The following LMX1B variants were observed in gnomAD, a reference collection of about 807,000 sequenced individuals.
The protein encoded by LMX1B is LIM homeobox transcription factor 1-beta.
Under a neutral mutation model 51.4 loss-of-function variants are expected in LMX1B, and 12 were observed. The observed-to-expected ratio is 0.23, with a 90% CI of 0.15 to 0.38. LMX1B has a LOEUF of 0.38. LMX1B is among the 10% of genes least tolerant of loss of function. LMX1B has a pLI of 1.00. For missense variants in LMX1B, 445 were observed against 571.1 expected (o/e 0.78, Z 2.25); for synonymous variants, 237 against 235.4 (o/e 1.01, Z -0.06).
At position 126,667,777 on chromosome 9, in the gene LMX1B, G is replaced by A. The variant is rs1324205940; in HGVS notation, c.327-23059G>A. On this transcript the variant is annotated intron_variant, in intron 2 of 7. Transcript: ENST00000373474. ...CCTTCAGAGAGTTTCCAGAAGAAAGGGATGGCCAAAGGTGGCCAGTGGCAG... is the reference window on the plus strand; with the variant it reads ...CCTTCAGAGAGTTTCCAGAAGAAAGAGATGGCCAAAGGTGGCCAGTGGCAG... 4.6e-5 allele frequency among the ~76,000 whole-genome samples: 7 copies of A among 152,212 alleles called. No homozygotes were observed. The South Asian group carries it at 1.4e-3, about 32-fold the overall frequency.
intron 2 of LMX1B, among the ~76,000 whole-genome samples, chr9:126,628,557 A>C (rs1835575228): frequency 6.6e-6 from 1 of 152,124 alleles, no homozygotes. Flanking sequence ...GAGCGATGGA[A>C]TCTCTACGCT....
chr9:126,696,283 C>T lies in LMX1B; in HGVS notation c.1052-11C>T. The T allele has an allele frequency of 6.2e-7, 1 of 1,613,922 alleles. No individual in the cohort carries two copies. Among genetic ancestry groups the T allele is most frequent in the Non-Finnish European group, 8.5e-7 (1 of 1,179,822 alleles). The stretch of plus-strand genomic sequence containing the variant: ...CTGTACCCCGGTCCTGACACCCCTT[C>T]TGCCCCCCAGGGAACGACTCCATCT... On this transcript the variant is annotated splice_polypyrimidine_tract_variant and intron_variant, in intron 7 of 7. Transcript: ENST00000373474.
intron 2 of LMX1B, among the ~76,000 whole-genome samples, chr9:126,666,156 G>A (rs575553880): frequency 1.3e-5 from 2 of 152,366 alleles, no homozygotes; most frequent in South Asian, 2.1e-4. Flanking sequence ...AGGCACAGAC[G>A]GGTCTGAACG....
intron 2 of LMX1B, among the ~76,000 whole-genome samples, chr9:126,653,289 G>C (rs1026201146): frequency 6.6e-6 from 1 of 151,466 alleles, no homozygotes; most frequent in Non-Finnish European, 1.5e-5. Flanking sequence ...CGATGAGCTG[G>C]GACTACAGGT....
In LMX1B at chr9:126,671,462, G is replaced by C. The variant is rs911377417; in HGVS notation, c.327-19374G>C. On this transcript the variant is annotated intron_variant, in intron 2 of 7. Coordinates refer to ENST00000373474, the MANE Select transcript of LMX1B (RefSeq NM_001174147.2). The surrounding 1 kb of genome is among the most constrained non-coding windows in gnomAD (Gnocchi z 4.4). Reference sequence around the variant, plus strand: ...CCATCTTTGTTCCGAGCAGAGCTCAGACTGCAGAGTGGCTGGGTAAATAGT... The same window carrying C: ...CCATCTTTGTTCCGAGCAGAGCTCACACTGCAGAGTGGCTGGGTAAATAGT... 6.6e-6 allele frequency among the ~76,000 whole-genome samples: 1 copy of C among 152,062 alleles called. No individual in the cohort carries two copies. Among genetic ancestry groups the C allele is most frequent in the Non-Finnish European group, 1.5e-5 (1 of 68,010 alleles).
chr9:126,682,998 C>G (rs1310021977), intron 2 of LMX1B, among the ~76,000 whole-genome samples: 1 of 151,642 alleles, frequency 6.6e-6, no homozygotes, highest in East Asian at 1.9e-4. Context: ...TCCCCGGGCT[C>G]CCGGCTGTGC....
rs536512995 is a variant in LMX1B at position 126,631,317 on chromosome 9, G to A, written c.326+15748G>A. Among the ~76,000 whole-genome samples the A allele has an allele frequency of 2.0e-5, 3 of 152,358 alleles. No homozygotes were observed. The South Asian group carries it at 6.2e-4, about 32-fold the overall frequency. ...ATAGTAATAATAATGATTTGTAAAA[G>A]GAAACATCTTGCCTTGGGGCACAGG... On this transcript the variant is annotated intron_variant, in intron 2 of 7. Transcript: ENST00000373474.
chr9:126,680,033 A>G (rs1014196615), intron 2 of LMX1B, among the ~76,000 whole-genome samples: 2 of 152,206 alleles, frequency 1.3e-5, no homozygotes, highest in African/African-American at 4.8e-5. Context: ...TATTCTGGCC[A>G]TGCAGGGCCC....
At chr9:126,696,074 G>A (rs1416892796) in intron 7 of LMX1B, 71 bp downstream of exon 7, 11 of 1,359,842 alleles carry the variant, frequency 8.1e-6, no homozygotes, top group African/African-American at 3.0e-5. Context: ...GCAGGCCTGG[G>A]GCCAGGACAG....
At chr9:126,632,468 C>G (rs746704833) in intron 2 of LMX1B, among the ~76,000 whole-genome samples, 10 of 152,092 alleles carry the variant, frequency 6.6e-5, no homozygotes, top group Non-Finnish European at 1.5e-4. Context: ...AGGGCAGGAG[C>G]CTGTGGCTGT....
chr9:126,680,186 C>T (rs1412364638), intron 2 of LMX1B, among the ~76,000 whole-genome samples: 3 of 152,224 alleles, frequency 2.0e-5, no homozygotes, highest in South Asian at 2.1e-4. Context: ...CCAGCAGCTC[C>T]GTGCTGATGA....
In LMX1B at chr9:126,614,372, C is replaced by T; in HGVS notation, c.-78C>T. On this transcript the variant is annotated 5_prime_UTR_variant, in exon 1 of 8. Transcript: ENST00000373474. ...GGCCGCGCCTCCCCGGTTCCAGGGC[C>T]GCGGCGGCGGAGAGCGGGTGGACGG... 2 of 1,120,262 alleles carry T rather than the reference C, an allele frequency of 1.8e-6. No homozygotes were observed. The allele number at this position is 1,120,262 out of a possible 1,614,324, so 69.4% of individuals were successfully genotyped here. A position where few individuals can be genotyped will look rare whatever the true frequency, so the allele number is the denominator to read the frequency against.
At chr9:126,637,821 C>CG in intron 2 of LMX1B, among the ~76,000 whole-genome samples, 1 of 94,254 alleles carries the variant, frequency 1.1e-5, no homozygotes, top group African/African-American at 4.7e-5. Context: ...GGTGCCTGTC[C>CG]TCCCCCCCCC....
intron 6 of LMX1B, among the ~76,000 whole-genome samples, chr9:126,694,393 C>T (rs577298933): frequency 1.3e-5 from 2 of 152,328 alleles, no homozygotes; most frequent in South Asian, 4.1e-4. Context: ...ACCCCACTGC[C>T]GGAATTCTGC....
intron 2 of LMX1B, among the ~76,000 whole-genome samples, chr9:126,668,823 C>T (rs1398828183): frequency 1.3e-5 from 2 of 152,206 alleles, no homozygotes; most frequent in Admixed American, 1.3e-4. Context: ...TCCCCCTAAC[C>T]CCACATCCCC....
At chr9:126,696,226 A>G (rs1588309639) in intron 7 of LMX1B, 68 bp from the exon 8 acceptor site, 4 of 1,475,488 alleles carry the variant, frequency 2.7e-6, no homozygotes, top group Non-Finnish European at 3.8e-6. Context: ...CACAGCCTAC[A>G]GGGCAAACAG....
intron 2 of LMX1B, among the ~76,000 whole-genome samples, chr9:126,627,267 C>T (rs975083085): frequency 2.0e-5 from 3 of 152,086 alleles, no homozygotes; most frequent in Non-Finnish European, 4.4e-5. Context: ...AGTGCCCCTC[C>T]CCCAGGGACC....
At chr9:126,672,322 CA>C (rs1417035730) in intron 2 of LMX1B, among the ~76,000 whole-genome samples, 1 of 152,232 alleles carries the variant, frequency 6.6e-6, no homozygotes, top group Non-Finnish European at 1.5e-5. Flanking sequence ...TAATGGAGAT[CA>C]GGGGCCTCCC....
chr9:126,684,721 A>G (rs762280522), intron 2 of LMX1B, among the ~76,000 whole-genome samples: 8 of 152,140 alleles, frequency 5.3e-5, no homozygotes, highest in Non-Finnish European at 1.0e-4. Flanking sequence ...TTCCAGTCAC[A>G]AGAGTCACTT....
Sources: gnomAD v4.1 joint callset for allele counts (sites outside exome capture counted in the v4.1 genomes callset) on GRCh38, gnomAD v4.1.1 for gene constraint, Gnocchi (gnomAD v3.1) non-coding constraint, MANE v1.5 for transcripts, NCBI Gene and HGNC (gene_info 2026-07-23, HGNC 2026-07-21) for gene names.